Variants in MYO19 observed in about 807,000 individuals in gnomAD.
MYO19 encodes the protein myosin XIX, also known as unconventional myosin-XIX.
MYO19 carries 132 observed loss-of-function variants against 129.2 expected under a neutral mutation model. The observed-to-expected ratio is 1.02, with a 90% CI of 0.89 to 1.18. The LOEUF (loss-of-function observed/expected upper bound fraction) is 1.18. Ranked by LOEUF, MYO19 falls within the 50% of genes most tolerant of loss-of-function variation. The pLI is 0.00. For missense variants in MYO19, 1,210 were observed against 1,216.7 expected (o/e 0.99, Z 0.08); for synonymous variants, 531 against 477.2 (o/e 1.11, Z -1.47).
rs765386290 is a variant in MYO19, at chr17:36,505,227, C to A, written c.1905+70G>T. ...CACTCCATTTGGAACAGATGTCCTG[C>A]CCTTCATCTCTCCAGGGCCTTGGCC... On this transcript the variant is annotated intron_variant, in intron 19 of 25. Coordinates refer to ENST00000614623, the MANE Select transcript of MYO19 (RefSeq NM_001163735.2). 8 of 1,329,752 alleles carry A rather than the reference C, an allele frequency of 6.0e-6. No individual in the cohort carries two copies. In the South Asian group the frequency reaches 9.4e-5, roughly 16 times the overall value. The allele number at this position is 1,329,752 out of a possible 1,614,324, so 82.4% of individuals were successfully genotyped here.
chr17:36,512,882 G>T, intron 11 of MYO19: 2 of 1,145,248 alleles, frequency 1.7e-6, no homozygotes, highest in Non-Finnish European at 2.2e-6. Flanking sequence ...ACCTGGGGCA[G>T]TCTCATGTTC....
intron 6 of MYO19, among the ~76,000 whole-genome samples, chr17:36,518,801 G>C (rs932625534): frequency 1.3e-5 from 2 of 151,320 alleles, no homozygotes; most frequent in African/African-American, 4.8e-5. Flanking sequence ...TAGATAGACA[G>C]ATAGATAGAT....
intron 11 of MYO19, chr17:36,512,747 G>A (rs1432326248): frequency 4.7e-6 from 6 of 1,288,924 alleles, no homozygotes; most frequent in Non-Finnish European, 6.1e-6. Flanking sequence ...TTTCTCGACT[G>A]CCAGGCCATC....
At chr17:36,496,466 A>C (rs929439369) in intron 25 of MYO19, 60 bp from the exon 26 acceptor site, 4 of 1,553,070 alleles carry the variant, frequency 2.6e-6, no homozygotes, top group African/African-American at 2.7e-5. Flanking sequence ...AGGGCCTAAC[A>C]ACCCCACAGA....
chr17:36,498,271 G>T lies in MYO19; in HGVS notation c.2752C>A (p.Pro918Thr), dbSNP rs1270488334. 2 of 1,610,402 alleles carry T rather than the reference G, an allele frequency of 1.2e-6. No homozygotes were observed. The highest frequency in any genetic ancestry group is 1.7e-6 in the Non-Finnish European group (2 of 1,177,972). The part of the protein sequence containing the change: ...QAGVTSIRAL[P>T]QGSIKFHCRK... ...GGCCATCACACACAACGTACCTGAG[G>T]CAGCGCTCGGATGGACGTGACACCA... Residue 918 changes from proline to threonine, a missense_variant, in exon 25 of 26, where the codon CCT becomes ACT. Pro to Thr is a conservative substitution (Grantham distance 38). Transcript: ENST00000614623.
chr17:36,527,763 A>C (rs916241051), intron 4 of MYO19, 64 bp from the exon 5 acceptor site: 49 of 1,515,962 alleles, frequency 3.2e-5, no homozygotes, highest in Admixed American at 2.3e-4. Flanking sequence ...ACACAGACAC[A>C]CATCTACTTA....
chr17:36,538,127 T>C, upstream of MYO19: 1 of 1,614,200 alleles, frequency 6.2e-7, no homozygotes, highest in Non-Finnish European at 8.5e-7. Flanking sequence ...TAGCCTGTTT[T>C]CTTTTACTGG....
rs2071476837 is a variant in MYO19 at position 36,500,924 on chromosome 17, C to A, written c.2283G>T (p.Leu761=). Residue 761 remains leucine (L), a synonymous_variant, in exon 23 of 26, where the codon CTG becomes CTT. Coordinates refer to ENST00000614623, the MANE Select transcript of MYO19 (RefSeq NM_001163735.2). The part of the protein sequence containing the change: ...ELLECGRARV[L]EQCARCIQGG... ...CCTGGATGCAGCGGGCACACTGCTC[C>A]AGCACCCGGGCACGCCCACATTCCA... The A allele has an allele frequency of 6.2e-7, 1 of 1,611,034 alleles. No homozygotes were observed. Among genetic ancestry groups the A allele is most frequent in the South Asian group, 1.1e-5 (1 of 90,994 alleles).
upstream of MYO19, chr17:36,538,479 G>A: frequency 6.2e-7 from 1 of 1,614,074 alleles, no homozygotes; most frequent in Non-Finnish European, 8.5e-7. Context: ...TATAACAACT[G>A]GCCTGATCAA....
chr17:36,499,153 A>G lies in MYO19; in HGVS notation c.2385T>C (p.Arg795=), dbSNP rs768676346. The change falls in exon 24 of 26, where the codon CGT becomes CGC. Residue 795 remains arginine (R), a synonymous_variant. Transcript: ENST00000614623. ...GGATGTGTTTCCGAGTTAACCAGGA[A>G]CGAATGGCTAAGAGGTTTGCCCAGA... ...RAVMLIQAAI[R]SWLTRKHIQR... is the part of the protein sequence containing the mutation. The G allele has an allele frequency of 3.1e-5, 49 of 1,604,348 alleles. No homozygotes were observed. The highest frequency in any genetic ancestry group is 4.1e-5 in the Non-Finnish European group (48 of 1,174,988).
chr17:36,528,596 T>G (rs189197510), intron 3 of MYO19, among the ~76,000 whole-genome samples: 1 of 152,094 alleles, frequency 6.6e-6, no homozygotes, highest in East Asian at 1.9e-4. Flanking sequence ...GGAACCTGTA[T>G]AGTAGAAGGA....
At position 36,520,155 on chromosome 17, in the gene MYO19, T is replaced by C. The variant is rs571904032; in HGVS notation, c.415-4165A>G. ...ATGCCCTGCTAATTTTTTGTATTTT[T>C]AATAGAGACGGGATTTCACCATGTT... On this transcript the variant is annotated intron_variant, in intron 6 of 25. Transcript: ENST00000614623. 3.3e-5 allele frequency among the ~76,000 whole-genome samples: 5 copies of C among 152,090 alleles called. No individual in the cohort carries two copies. In the South Asian group the frequency reaches 6.2e-4, roughly 19 times the overall value.
intron 25 of MYO19, among the ~76,000 whole-genome samples, chr17:36,497,440 CATTTG>C (rs2071090760): frequency 2.0e-5 from 3 of 152,094 alleles, no homozygotes; most frequent in Admixed American, 2.0e-4. Flanking sequence ...AATCCAGTGC[CATTTG>C]AGGTAACAAA....
intron 14 of MYO19, 48 bp downstream of exon 14, chr17:36,509,014 T>G: frequency 1.3e-6 from 2 of 1,544,834 alleles, no homozygotes; most frequent in Non-Finnish European, 1.8e-6. Context: ...ATCCAGGGCT[T>G]TATTGCTCTT....
At chr17:36,511,862 G>A (rs2072353877) in intron 11 of MYO19, among the ~76,000 whole-genome samples, 1 of 152,186 alleles carries the variant, frequency 6.6e-6, no homozygotes, top group South Asian at 2.1e-4. Flanking sequence ...GTGCCTGCTG[G>A]AGGCTTGTCT....
intron 11 of MYO19, 136 bp from the exon 12 acceptor site, chr17:36,511,591 C>A: frequency 1.3e-6 from 1 of 756,424 alleles, no homozygotes; most frequent in Non-Finnish European, 2.3e-6. Flanking sequence ...CCATCTCTGC[C>A]AGACACAATT....
rs563630404 is a variant in MYO19 at position 36,518,478 on chromosome 17, G to A, written c.415-2488C>T. Among the ~76,000 whole-genome samples the A allele has an allele frequency of 8.0e-5, 8 of 99,650 alleles. No homozygotes were observed. The East Asian group carries it at 2.3e-3, about 29-fold the overall frequency. 65.4% of individuals were successfully genotyped at this position (99,650 alleles called of 152,430 possible). On this transcript the variant is annotated intron_variant, in intron 6 of 25. Transcript: ENST00000614623. Reference sequence around the variant, plus strand: ...CCACTGTACTCCAGCCTGGGCCAGAGGATCTCAGAGGAAAAAAAAAAAAAA... The same window carrying A: ...CCACTGTACTCCAGCCTGGGCCAGAAGATCTCAGAGGAAAAAAAAAAAAAA...
intron 7 of MYO19, 34 bp from the exon 8 acceptor site, chr17:36,515,216 TG>T: frequency 6.3e-7 from 1 of 1,597,224 alleles, no homozygotes; most frequent in Non-Finnish European, 8.6e-7. Flanking sequence ...TTCACTCCCC[TG>T]GGTTTGCAGA....
intron 3 of MYO19, among the ~76,000 whole-genome samples, chr17:36,529,315 C>T (rs180901933): frequency 6.6e-6 from 1 of 152,106 alleles, no homozygotes; most frequent in Non-Finnish European, 1.5e-5. Flanking sequence ...ATGAGTCACC[C>T]TATCTTCCTT....
Sources: gnomAD v4.1 joint callset for allele counts (sites outside exome capture counted in the v4.1 genomes callset) on GRCh38, gnomAD v4.1.1 for gene constraint, MANE v1.5 for transcripts, NCBI Gene and HGNC (gene_info 2026-07-23, HGNC 2026-07-21) for gene names.